Variants in COPB1 observed in about 807,000 individuals in gnomAD.
COPB1 encodes the protein coat protein complex I subunit beta 1, also known as coatomer subunit beta.
COPB1 carries 21 observed loss-of-function variants against 108.7 expected under a neutral mutation model. The ratio of observed to expected loss-of-function variants is 0.19; its 90% confidence interval spans 0.14 to 0.28. The LOEUF (loss-of-function observed/expected upper bound fraction) is 0.28. Among genes scored for constraint, COPB1 ranks in the 10% least tolerant of loss-of-function variants. The probability of loss-of-function intolerance (pLI) is 1.00; values close to 1 mark genes in which losing one functional copy is unlikely to be tolerated. For synonymous variants in COPB1, 378 were observed against 386.8 expected, an observed-to-expected ratio of 0.98 and a Z score of 0.27; for missense variants, 919 against 1,141.3, an observed-to-expected ratio of 0.81 and a Z score of 2.81.
rs146687420 is a variant in COPB1 at position 14,479,291 on chromosome 11, T to C, written c.1358+278A>G. On this transcript the variant is annotated intron_variant, in intron 11 of 21. Coordinates refer to ENST00000439561, the MANE Select transcript of COPB1 (RefSeq NM_001144061.2). ...AATAATAGTAATAGCCAAAAAGTGA[T>C]GCCATTTAAAAATATGCTCTTTAGT... is the stretch of plus-strand genomic sequence containing the variant. 4.6e-3 allele frequency among the ~76,000 whole-genome samples: 695 copies of C among 152,338 alleles called. 6 individuals are homozygous for C. The highest frequency in any genetic ancestry group is 5.6e-3 in the Non-Finnish European group (384 of 68,026).
chr11:14,462,932 G>T (rs868639716), intron 18 of COPB1, among the ~76,000 whole-genome samples: 33 of 151,930 alleles, frequency 2.2e-4, no homozygotes, highest in African/African-American at 7.3e-4. Context: ...TCAAAGCCAA[G>T]ATCCTACACT....
chr11:14,496,316 T>C (rs1565026124), intron 2 of COPB1, among the ~76,000 whole-genome samples: 1 of 152,112 alleles, frequency 6.6e-6, no homozygotes, highest in Non-Finnish European at 1.5e-5. Flanking sequence ...GGTATACATT[T>C]TTAAAATTCA....
intron 13 of COPB1, 123 bp from the exon 14 acceptor site, chr11:14,474,738 T>C: frequency 2.2e-6 from 3 of 1,341,486 alleles, no homozygotes; most frequent in Non-Finnish European, 3.0e-6. Context: ...TAAGGATACC[T>C]TAGCTAACTA....
intron 4 of COPB1, among the ~76,000 whole-genome samples, chr11:14,492,948 C>T (rs1565024679): frequency 6.6e-6 from 1 of 152,038 alleles, no homozygotes; most frequent in Non-Finnish European, 1.5e-5. Context: ...GAGTTCGAGA[C>T]CAGCCTGGCC....
intron 7 of COPB1, 107 bp from the exon 8 acceptor site, chr11:14,483,258 A>ACT (rs1554964522): frequency 1.3e-5 from 7 of 557,116 alleles, no homozygotes; most frequent in East Asian, 3.2e-5. Flanking sequence ...ACACACACAC[A>ACT]CTCCCATGAA....
At chr11:14,478,857 G>A (rs1261079933) in intron 11 of COPB1, 2 of 146,580 alleles carry the variant, frequency 1.4e-5, no homozygotes, top group Admixed American at 1.4e-4. Flanking sequence ...AGAAACCAAA[G>A]CTCTAAGAGA....
intron 7 of COPB1, among the ~76,000 whole-genome samples, chr11:14,484,400 A>C (rs1850724843): frequency 6.6e-6 from 1 of 152,198 alleles, no homozygotes; most frequent in Non-Finnish European, 1.5e-5. Flanking sequence ...TGAACATATG[A>C]GAAAGGCTGG....
rs182170704 is a variant in COPB1 at position 14,483,512 on chromosome 11, C to T, written c.838-361G>A. The stretch of plus-strand genomic sequence containing the variant: ...AGGAAAAGAATCCCAAGAAGTACAT[C>T]GATTAAGCATATTTCAGTTTAGAGG... On this transcript the variant is annotated intron_variant, in intron 7 of 21. Coordinates refer to ENST00000439561, the MANE Select transcript of COPB1 (RefSeq NM_001144061.2). Among the ~76,000 whole-genome samples the T allele has an allele frequency of 5.6e-3, 856 of 152,154 alleles. 5 individuals are homozygous for T. Among genetic ancestry groups the T allele is most frequent in the Middle Eastern group, 0.034 (10 of 294 alleles).
intron 9 of COPB1, 30 bp downstream of exon 9, chr11:14,480,960 C>G: frequency 6.2e-7 from 1 of 1,612,526 alleles, no homozygotes; most frequent in East Asian, 2.2e-5. Flanking sequence ...GGCCTGATAG[C>G]TACAAAGTGC....
chr11:14,468,376 C>A (rs554301830), intron 16 of COPB1, among the ~76,000 whole-genome samples: 4 of 152,166 alleles, frequency 2.6e-5, no homozygotes, highest in Admixed American at 6.5e-5. Context: ...GAGGCCAGGG[C>A]TGTTGCCTGT....
At chr11:14,468,566 G>A (rs1850333337) in intron 16 of COPB1, 115 bp downstream of exon 16, 1 of 959,456 alleles carries the variant, frequency 1.0e-6, no homozygotes, top group Admixed American at 2.4e-5. Flanking sequence ...GAGGTTTAAT[G>A]GACCTATCAC....
rs752563740 is a variant in COPB1 at position 14,483,078 on chromosome 11, C to T, written c.911G>A (p.Arg304His). The T allele has an allele frequency of 5.7e-6, 9 of 1,585,014 alleles. No individual in the cohort carries two copies. The highest frequency in any genetic ancestry group is 3.4e-5 in the South Asian group (3 of 88,690). Residue 304 changes from arginine to histidine, a missense_variant, in exon 8 of 22, where the codon CGC becomes CAC. Physicochemically the swap from Arg to His is conservative, Grantham distance 29. This residue lies in a region of COPB1 where 705 missense variants were observed against 817.8 expected (regional missense o/e 0.86). Coordinates refer to ENST00000439561, the MANE Select transcript of COPB1 (RefSeq NM_001144061.2). Reference sequence around the variant, plus strand: ...AGGATGCTCTTTTAATTCTATCAAGCGATCCAAAACTATGAGTTTTACATT... The same window carrying T: ...AGGATGCTCTTTTAATTCTATCAAGTGATCCAAAACTATGAGTTTTACATT... Reference protein sequence around the residue: ...DNNVKLIVLDRLIELKEHPAH... With the variant: ...DNNVKLIVLDHLIELKEHPAH...
intron 17 of COPB1, among the ~76,000 whole-genome samples, chr11:14,465,768 C>A (rs1176798241): frequency 6.6e-6 from 1 of 152,090 alleles, no homozygotes; most frequent in Non-Finnish European, 1.5e-5. Flanking sequence ...GGGGGTACTG[C>A]ACTGTTCCCA....
At chr11:14,460,762 C>A (rs1454823432) in intron 19 of COPB1, among the ~76,000 whole-genome samples, 1 of 152,094 alleles carries the variant, frequency 6.6e-6, no homozygotes, top group Non-Finnish European at 1.5e-5. Context: ...CCTCAGCCTC[C>A]CAAAGTGCTG....
At chr11:14,498,130 C>T (rs1455951744) in intron 2 of COPB1, among the ~76,000 whole-genome samples, 1 of 152,054 alleles carries the variant, frequency 6.6e-6, no homozygotes, top group Admixed American at 6.5e-5. Context: ...TAACTACAGT[C>T]AATAATAATT....
intron 14 of COPB1, among the ~76,000 whole-genome samples, chr11:14,470,367 G>A (rs529547910): frequency 1.3e-5 from 2 of 152,286 alleles, no homozygotes; most frequent in South Asian, 4.1e-4. Flanking sequence ...TTATTGTGCT[G>A]CTAAGCGTGA....
intron 14 of COPB1, among the ~76,000 whole-genome samples, chr11:14,470,507 A>T (rs1208581741): frequency 6.6e-6 from 1 of 152,214 alleles, no homozygotes; most frequent in Non-Finnish European, 1.5e-5. Flanking sequence ...AGTCTTCCAC[A>T]AGTGATTGCA....
intron 19 of COPB1, among the ~76,000 whole-genome samples, chr11:14,460,737 C>T (rs576096973): frequency 5.9e-5 from 9 of 152,090 alleles, no homozygotes; most frequent in South Asian, 2.1e-4. Context: ...CTCCTGAGCA[C>T]GAGCAATCTG....
At chr11:14,490,759 T>C (rs1447179988) in intron 4 of COPB1, 80 bp from the exon 5 acceptor site, 2 of 727,948 alleles carry the variant, frequency 2.7e-6, no homozygotes, top group Non-Finnish European at 4.4e-6. Context: ...AATACCAAAA[T>C]TAAATTTAAT....
Sources: gnomAD v4.1 joint callset for allele counts (sites outside exome capture counted in the v4.1 genomes callset) on GRCh38, gnomAD v4.1.1 for gene constraint, gnomAD v4.1.1 regional missense constraint, MANE v1.5 for transcripts, NCBI Gene and HGNC (gene_info 2026-07-23, HGNC 2026-07-21) for gene names.